NUDCD1: variants seen among roughly 807,000 people sequenced by gnomAD.
NUDCD1 encodes the protein nudC domain-containing protein 1.
NUDCD1 carries 60 observed loss-of-function variants against 67.8 expected under a neutral mutation model. The observed-to-expected ratio is 0.88, with a 90% CI of 0.72 to 1.10. NUDCD1 has a LOEUF of 1.10. NUDCD1 is among the 50% of genes least tolerant of loss of function. The pLI, the probability that NUDCD1 is intolerant of heterozygous loss-of-function variation, is 0.00. For synonymous variants in NUDCD1, 244 were observed against 230.8 expected, an observed-to-expected ratio of 1.06 and a Z score of -0.52; for missense variants, 643 against 695.0, an observed-to-expected ratio of 0.93 and a Z score of 0.84.
intron 1 of NUDCD1, among the ~76,000 whole-genome samples, chr8:109,332,041 TCTC>T (rs1815818326): frequency 6.6e-6 from 1 of 152,194 alleles, no homozygotes; most frequent in South Asian, 2.1e-4. Flanking sequence ...AACAATTTCT[TCTC>T]TTCTTCATAT....
chr8:109,286,685 A>T (rs1184667753), intron 5 of NUDCD1, among the ~76,000 whole-genome samples: 5 of 152,160 alleles, frequency 3.3e-5, no homozygotes, highest in South Asian at 2.1e-4. Flanking sequence ...TCTTAGAAGA[A>T]AACCTAGGAA....
chr8:109,314,163 T>C lies in NUDCD1; in HGVS notation c.273+8146A>G, dbSNP rs536570142. The stretch of plus-strand genomic sequence containing the variant: ...AACACTTTATATGCTAACTGACATC[T>C]ATAATGTCCAGCTCTCACATAATCA... On this transcript the variant is annotated intron_variant, in intron 2 of 9. Coordinates refer to ENST00000239690, the MANE Select transcript of NUDCD1 (RefSeq NM_032869.4). Among the ~76,000 whole-genome samples, 5 of 152,318 alleles carry C rather than the reference T, an allele frequency of 3.3e-5. No homozygotes were observed. The South Asian group carries it at 1.0e-3, about 32-fold the overall frequency.
chr8:109,306,631 AC>A (rs35720923), intron 2 of NUDCD1, among the ~76,000 whole-genome samples: 9 of 145,238 alleles, frequency 6.2e-5, no homozygotes, highest in South Asian at 4.5e-4. Flanking sequence ...ATTATGTTGA[AC>A]CCCCCCCACC....
chr8:109,322,549 A>T, intron 1 of NUDCD1, 86 bp from the exon 2 acceptor site: 1 of 969,120 alleles, frequency 1.0e-6, no homozygotes, highest in African/African-American at 1.6e-5. Context: ...GGCAAAAAAA[A>T]AAATCACAGA....
In NUDCD1 at chr8:109,306,195, A is replaced by T. The variant is rs889680907; in HGVS notation, c.274-9626T>A. ...ACTATCGTAGTGGATATCCTCTGGT[A>T]CTAGCCCCAATCCACCACTCTTGAC... On this transcript the variant is annotated intron_variant, in intron 2 of 9. Transcript: ENST00000239690. Among the ~76,000 whole-genome samples the T allele has an allele frequency of 7.2e-5, 11 of 152,296 alleles. No homozygotes were observed. The Middle Eastern group carries it at 0.017, about 235-fold the overall frequency.
chr8:109,266,105 C>T (rs988498719), intron 8 of NUDCD1, among the ~76,000 whole-genome samples: 2 of 150,488 alleles, frequency 1.3e-5, no homozygotes, highest in Non-Finnish European at 3.0e-5. Flanking sequence ...TTTAAATTAT[C>T]TAGTAGCCAT....
At chr8:109,311,780 G>C (rs1197885603) in intron 2 of NUDCD1, among the ~76,000 whole-genome samples, 1 of 150,758 alleles carries the variant, frequency 6.6e-6, no homozygotes, top group African/African-American at 2.4e-5. Context: ...GGAAAGAGTG[G>C]GAAGCGGTGA....
chr8:109,282,547 T>C (rs965266002), intron 5 of NUDCD1, among the ~76,000 whole-genome samples: 3 of 151,962 alleles, frequency 2.0e-5, no homozygotes, highest in African/African-American at 7.3e-5. Flanking sequence ...AAAAATATTA[T>C]AAAAATTTGA....
intron 1 of NUDCD1, among the ~76,000 whole-genome samples, chr8:109,325,135 G>T (rs562350868): frequency 6.6e-6 from 1 of 151,848 alleles, no homozygotes; most frequent in African/African-American, 2.4e-5. Context: ...CATCATACAC[G>T]CAGCTAAAAA....
intron 2 of NUDCD1, among the ~76,000 whole-genome samples, chr8:109,311,317 C>T (rs1815242877): frequency 1.3e-5 from 2 of 152,040 alleles, no homozygotes; most frequent in African/African-American, 2.4e-5. Flanking sequence ...TTCTGTGCTG[C>T]TAGCAGGAAT....
chr8:109,244,123 CAATG>C (rs71784382), intron 9 of NUDCD1, among the ~76,000 whole-genome samples: 3,690 of 151,916 alleles, frequency 0.024, 136 homozygotes, highest in African/African-American at 0.084. Flanking sequence ...TCTCATCAAA[CAATG>C]AATAAGCAAA....
chr8:109,302,456 C>T (rs1182587300), intron 2 of NUDCD1, among the ~76,000 whole-genome samples: 2 of 152,112 alleles, frequency 1.3e-5, no homozygotes, highest in Admixed American at 1.3e-4. Flanking sequence ...TTTCTACAGA[C>T]CCATCTGACC....
At chr8:109,281,750 A>G (rs1814443962) in intron 5 of NUDCD1, among the ~76,000 whole-genome samples, 1 of 152,150 alleles carries the variant, frequency 6.6e-6, no homozygotes, top group Non-Finnish European at 1.5e-5. Flanking sequence ...CAGGCATTCA[A>G]AGCACCTTGC....
intron 8 of NUDCD1, among the ~76,000 whole-genome samples, chr8:109,246,181 A>T (rs1813492318): frequency 6.6e-6 from 1 of 152,210 alleles, no homozygotes; most frequent in African/African-American, 2.4e-5. Context: ...ATAAAGCACC[A>T]ATTTTATAAG....
chr8:109,315,491 G>A (rs1815369451), intron 2 of NUDCD1: 1 of 152,090 alleles, frequency 6.6e-6, no homozygotes, highest in African/African-American at 2.4e-5. Flanking sequence ...ACCATTGTCT[G>A]CTCTCCATCC....
At position 109,245,479 on chromosome 8, in the gene NUDCD1, C is replaced by G. The variant is rs1311249695; in HGVS notation, c.1302G>C (p.Val434=). 1.9e-6 allele frequency: 3 copies of G among 1,599,610 alleles called. No homozygotes were observed. Among genetic ancestry groups the G allele is most frequent in the Non-Finnish European group, 2.6e-6 (3 of 1,174,236 alleles). The change falls in exon 9 of 10, where the codon GTG becomes GTC. Residue 434 remains valine, a splice_region_variant and synonymous_variant. Coordinates refer to ENST00000239690, the MANE Select transcript of NUDCD1 (RefSeq NM_032869.4). ...AAAGGTACTGGTTGCTTCCAAGATTCACCTAAAAAGTGATTTAAAAAAAAA... is the reference window on the plus strand; with the variant it reads ...AAAGGTACTGGTTGCTTCCAAGATTGACCTAAAAAGTGATTTAAAAAAAAA... ...DGNTLKTTHV[V]NLGSNQYLFS...
At chr8:109,315,353 C>T (rs1247593788) in intron 2 of NUDCD1, 1 of 152,072 alleles carries the variant, frequency 6.6e-6, no homozygotes, top group Non-Finnish European at 1.5e-5. Context: ...ATAAACTGGA[C>T]CTGCCAAAGA....
chr8:109,253,996 G>C (rs1208751542), intron 8 of NUDCD1, among the ~76,000 whole-genome samples: 1 of 152,136 alleles, frequency 6.6e-6, no homozygotes, highest in Non-Finnish European at 1.5e-5. Context: ...GTCAAGAACA[G>C]GTGCCACAAA....
chr8:109,312,057 C>A (rs1245345655), intron 2 of NUDCD1, among the ~76,000 whole-genome samples: 1 of 152,110 alleles, frequency 6.6e-6, no homozygotes, highest in Non-Finnish European at 1.5e-5. Context: ...AATCTCAGCA[C>A]TTTGTGGGGC....
Sources: gnomAD v4.1 joint callset for allele counts (sites outside exome capture counted in the v4.1 genomes callset) on GRCh38, gnomAD v4.1.1 for gene constraint, MANE v1.5 for transcripts, NCBI Gene and HGNC (gene_info 2026-07-23, HGNC 2026-07-21) for gene names.